Variants in SEMA7A observed in about 807,000 individuals in gnomAD.
The protein encoded by SEMA7A is semaphorin-7A.
A neutral mutation model predicts 67.5 loss-of-function variants in SEMA7A; 21 were observed. That is an observed-to-expected ratio of 0.31 (90% confidence interval 0.22 to 0.45). SEMA7A has a LOEUF of 0.45. Among genes scored for constraint, SEMA7A ranks in the 20% least tolerant of loss-of-function variants. The probability of loss-of-function intolerance (pLI) is 1.00; values close to 1 mark genes in which losing one functional copy is unlikely to be tolerated. For synonymous variants in SEMA7A, 364 were observed against 368.5 expected (o/e 0.99, Z 0.14); for missense variants, 774 against 908.6 (o/e 0.85, Z 1.90).
At chr15:74,416,332 C>T (rs749420965) in intron 7 of SEMA7A, among the ~76,000 whole-genome samples, 5 of 152,012 alleles carry the variant, frequency 3.3e-5, no homozygotes, top group Non-Finnish European at 7.4e-5. Context: ...CACACACACA[C>T]ACACACACAC....
intron 6 of SEMA7A, among the ~76,000 whole-genome samples, 156 bp from the exon 7 acceptor site, chr15:74,416,870 G>C (rs1178634547): frequency 6.6e-6 from 1 of 152,072 alleles, no homozygotes; most frequent in Non-Finnish European, 1.5e-5. Flanking sequence ...CTCCCCGAGG[G>C]GCCCTAGACC....
intron 1 of SEMA7A, among the ~76,000 whole-genome samples, chr15:74,424,903 A>G (rs1325659512): frequency 1.3e-5 from 2 of 152,240 alleles, no homozygotes; most frequent in East Asian, 3.8e-4. Flanking sequence ...CAAAGCAGAC[A>G]AAGGGTAGCG....
In SEMA7A at chr15:74,423,335, A is replaced by C. The variant is rs1363189654; in HGVS notation, c.179-4383T>G. The stretch of plus-strand genomic sequence containing the variant: ...AGCCTGCAGCCTCTCCACCCTTTGG[A>C]ATCCCACATCCACATGTCAAGGTGG... On this transcript the variant is annotated intron_variant, in intron 1 of 13. Transcript: ENST00000261918. This position sits in a 1 kb window ranked among gnomAD's most constrained non-coding sequence, Gnocchi z 4.1. 3.9e-5 allele frequency among the ~76,000 whole-genome samples: 6 copies of C among 152,196 alleles called. No individual in the cohort carries two copies.
At chr15:74,426,022 C>T (rs562915178) in intron 1 of SEMA7A, among the ~76,000 whole-genome samples, 12 of 152,196 alleles carry the variant, frequency 7.9e-5, no homozygotes, top group Admixed American at 2.0e-4. Flanking sequence ...CCCATAATCC[C>T]GGCGCTTTGG....
intron 10 of SEMA7A, among the ~76,000 whole-genome samples, chr15:74,412,498 G>C (rs888052421): frequency 1.3e-5 from 2 of 152,268 alleles, no homozygotes; most frequent in Non-Finnish European, 2.9e-5. Flanking sequence ...CAACCACTCA[G>C]CTGCTTCTAC....
In SEMA7A at chr15:74,423,170, G is replaced by A. The variant is rs187169033; in HGVS notation, c.179-4218C>T. ...GCAGAAAGCAGGCCGACCTCAGGTT[G>A]GAGAGCCAGCACATCTGGCAGGAGC... On this transcript the variant is annotated intron_variant, in intron 1 of 13. Coordinates refer to ENST00000261918, the MANE Select transcript of SEMA7A (RefSeq NM_003612.5). The surrounding 1 kb of genome is among the most constrained non-coding windows in gnomAD (Gnocchi z 4.1). Among the ~76,000 whole-genome samples, 2 of 152,350 alleles carry A rather than the reference G, an allele frequency of 1.3e-5. No individual in the cohort carries two copies. Among genetic ancestry groups the A allele is most frequent in the Admixed American group, 1.3e-4 (2 of 15,306 alleles).
At position 74,414,573 on chromosome 15, in the gene SEMA7A, G is replaced by C. The variant is rs768963649; in HGVS notation, c.1268C>G (p.Thr423Ser). 2 of 1,614,212 alleles carry C rather than the reference G, an allele frequency of 1.2e-6. No individual in the cohort carries two copies. Among genetic ancestry groups the C allele is most frequent in the Non-Finnish European group, 1.7e-6 (2 of 1,180,046 alleles). ...TGTAGTTAGGTAAAGCACATGAAAG[G>C]TCTCCCCGTGGCTGGCTTGCATGCG... ...VHRMQASHGETFHVLYLTTDR... is the reference protein window; with the variant it reads ...VHRMQASHGESFHVLYLTTDR... The change falls in exon 10 of 14, where the codon ACC becomes AGC. Residue 423 changes from threonine to serine, a missense_variant. Coordinates refer to ENST00000261918, the MANE Select transcript of SEMA7A (RefSeq NM_003612.5). The surrounding 1 kb of genome is among the most constrained non-coding windows in gnomAD (Gnocchi z 4.1).
intron 5 of SEMA7A, 22 bp downstream of exon 5, chr15:74,417,569 G>A (rs530853848): frequency 5.0e-5 from 81 of 1,604,974 alleles, no homozygotes; most frequent in South Asian, 2.6e-4. Flanking sequence ...CCCCTGGGGC[G>A]CCTGCTCCAG....
chr15:74,423,059 G>A lies in SEMA7A; in HGVS notation c.179-4107C>T, dbSNP rs916510998. Among the ~76,000 whole-genome samples, 7 of 152,250 alleles carry A rather than the reference G, an allele frequency of 4.6e-5. No individual in the cohort carries two copies. Among genetic ancestry groups the A allele is most frequent in the African/African-American group, 1.7e-4 (7 of 41,474 alleles). The stretch of plus-strand genomic sequence containing the variant: ...AAGGAGCCTTTTGAAAGTGGGCAGA[G>A]AGTCAGGCTCTGAAAATGGCAGGAA... On this transcript the variant is annotated intron_variant, in intron 1 of 13. Coordinates refer to ENST00000261918, the MANE Select transcript of SEMA7A (RefSeq NM_003612.5). The surrounding 1 kb of genome is among the most constrained non-coding windows in gnomAD (Gnocchi z 4.1).
At chr15:74,431,686 G>A (rs933903459) in intron 1 of SEMA7A, among the ~76,000 whole-genome samples, 3 of 152,212 alleles carry the variant, frequency 2.0e-5, no homozygotes, top group African/African-American at 4.8e-5. Context: ...ATTCCTGTCC[G>A]ATTGCCATGT....
chr15:74,426,024 G>C (rs1279114966), intron 1 of SEMA7A, among the ~76,000 whole-genome samples: 1 of 152,180 alleles, frequency 6.6e-6, no homozygotes, highest in Non-Finnish European at 1.5e-5. Context: ...CATAATCCCG[G>C]CGCTTTGGGA....
chr15:74,411,219 C>G lies in SEMA7A; in HGVS notation c.1639+76G>C. On this transcript the variant is annotated intron_variant, in intron 13 of 13. Coordinates refer to ENST00000261918, the MANE Select transcript of SEMA7A (RefSeq NM_003612.5). This position sits in a 1 kb window ranked among gnomAD's most constrained non-coding sequence, Gnocchi z 4.4. ...GCCCACAGGACAAGGCCATGTCTCC[C>G]TCAGACCAGGACAATCAGGGCAGGG... The G allele has an allele frequency of 1.3e-6, 2 of 1,511,534 alleles. No individual in the cohort carries two copies. Among genetic ancestry groups the G allele is most frequent in the Non-Finnish European group, 1.8e-6 (2 of 1,104,288 alleles). 93.6% of individuals were successfully genotyped at this position (1,511,534 alleles called of 1,614,324 possible).
intron 1 of SEMA7A, among the ~76,000 whole-genome samples, chr15:74,429,908 A>G (rs574657442): frequency 4.6e-5 from 7 of 151,778 alleles, no homozygotes; most frequent in African/African-American, 1.2e-4. Context: ...TCCTCCTGCC[A>G]TTTCAGCTTG....
At chr15:74,418,188 G>T in intron 3 of SEMA7A, 80 bp downstream of exon 3, 1 of 1,439,880 alleles carries the variant, frequency 6.9e-7, no homozygotes, top group Non-Finnish European at 9.8e-7. Context: ...GCAGGGCCAT[G>T]CTTCCTTCCT....
In SEMA7A at chr15:74,417,323, A is replaced by C; in HGVS notation, c.661+12T>G. 1 of 1,608,676 alleles carries C rather than the reference A, an allele frequency of 6.2e-7. No homozygotes were observed. Among genetic ancestry groups the C allele is most frequent in the Non-Finnish European group, 8.5e-7 (1 of 1,175,490 alleles). On this transcript the variant is annotated intron_variant, in intron 6 of 13. Coordinates refer to ENST00000261918, the MANE Select transcript of SEMA7A (RefSeq NM_003612.5). Reference sequence around the variant, plus strand: ...CCTTGCCCACCCTCAGCCCAGCCGGAGCCTGACTCACTCTGCATGACAGTA... The same window carrying C: ...CCTTGCCCACCCTCAGCCCAGCCGGCGCCTGACTCACTCTGCATGACAGTA...
In SEMA7A at chr15:74,423,974, G is replaced by A. The variant is rs146650580; in HGVS notation, c.179-5022C>T. On this transcript the variant is annotated intron_variant, in intron 1 of 13. Coordinates refer to ENST00000261918, the MANE Select transcript of SEMA7A (RefSeq NM_003612.5). This position sits in a 1 kb window ranked among gnomAD's most constrained non-coding sequence, Gnocchi z 4.1. ...CTGGCAGGGGCAGAGCCTGTGTGCTGGGGCAGGTGGTGGGGCCTCGAGACA... is the reference window on the plus strand; with the variant it reads ...CTGGCAGGGGCAGAGCCTGTGTGCTAGGGCAGGTGGTGGGGCCTCGAGACA... Among the ~76,000 whole-genome samples, 1,041 of 152,328 alleles carry A rather than the reference G, an allele frequency of 6.8e-3. 5 individuals are homozygous for A. Among genetic ancestry groups the A allele is most frequent in the African/African-American group, 0.024 (999 of 41,562 alleles).
At chr15:74,433,536 C>T (rs2061111515) in intron 1 of SEMA7A, 2 of 1,206,558 alleles carry the variant, frequency 1.7e-6, no homozygotes, top group African/African-American at 3.1e-5. Context: ...GCTCGCTCGC[C>T]GCAGCGTTAC....
chr15:74,410,846 G>T lies in SEMA7A; in HGVS notation c.1779C>A (p.Ser593Arg). 3 of 1,614,216 alleles carry T rather than the reference G, an allele frequency of 1.9e-6. No homozygotes were observed. Among genetic ancestry groups the T allele is most frequent in the Non-Finnish European group, 2.5e-6 (3 of 1,180,042 alleles). Residue 593 changes from serine to arginine, a missense_variant, in exon 14 of 14, where the codon AGC becomes AGA. By Grantham distance (110) the Ser-to-Arg change is moderately radical (BLOSUM62 -1). Around this residue, in one of 2 missense-constraint regions of SEMA7A, gnomAD observed 427 missense variants for 555.4 expected, o/e 0.77. Coordinates refer to ENST00000261918, the MANE Select transcript of SEMA7A (RefSeq NM_003612.5). This position sits in a 1 kb window ranked among gnomAD's most constrained non-coding sequence, Gnocchi z 7.5. ...VEQSCEPGHQ[S>R]PNCILFIENL... The stretch of plus-strand genomic sequence containing the variant: ...TCTCGATGAACAGGATGCAGTTGGG[G>T]CTCTGGTGACCAGGTTCGCAGCTCT...
intron 10 of SEMA7A, among the ~76,000 whole-genome samples, chr15:74,412,842 A>G (rs894018960): frequency 6.6e-6 from 1 of 152,034 alleles, no homozygotes; most frequent in Non-Finnish European, 1.5e-5. Flanking sequence ...ATTTTATAAA[A>G]TCTTAGATCT....
Sources: gnomAD v4.1 joint callset for allele counts (sites outside exome capture counted in the v4.1 genomes callset) on GRCh38, gnomAD v4.1.1 for gene constraint, gnomAD v4.1.1 regional missense constraint, Gnocchi (gnomAD v3.1) non-coding constraint, MANE v1.5 for transcripts, NCBI Gene and HGNC (gene_info 2026-07-23, HGNC 2026-07-21) for gene names.